TRIM58: variants seen among roughly 807,000 people sequenced by gnomAD.
The protein encoded by TRIM58 is tripartite motif containing 58.
TRIM58 carries 38 observed loss-of-function variants against 34.1 expected under a neutral mutation model. The observed-to-expected ratio is 1.12, with a 90% confidence interval of 0.86 to 1.46. The LOEUF is 1.46. Among genes scored for constraint, TRIM58 ranks in the 40% most tolerant of loss-of-function variants. TRIM58 has a pLI of 0.00. For synonymous variants in TRIM58, 273 were observed against 275.7 expected (o/e 0.99, Z 0.10); for missense variants, 677 against 642.0 (o/e 1.05, Z -0.59).
chr1:247,880,126 G>A lies in TRIM58; in HGVS notation c.*3637G>A, dbSNP rs188956821. Among the ~76,000 whole-genome samples the A allele has an allele frequency of 6.4e-4, 98 of 152,256 alleles. No individual in the cohort carries two copies. Among genetic ancestry groups the A allele is most frequent in the Non-Finnish European group, 9.0e-4 (61 of 68,018 alleles). On this transcript the variant is annotated 3_prime_UTR_variant, in exon 6 of 6. Transcript: ENST00000366481. ...GTTGAATGAATAAATGATTGACTATGTGGAGAGCAAAATTGATGGACCTGA... is the reference window on the plus strand; with the variant it reads ...GTTGAATGAATAAATGATTGACTATATGGAGAGCAAAATTGATGGACCTGA...
At chr1:247,860,231 A>G (rs1572569196) in intron 1 of TRIM58, among the ~76,000 whole-genome samples, 1 of 152,204 alleles carries the variant, frequency 6.6e-6, no homozygotes, top group Non-Finnish European at 1.5e-5. Flanking sequence ...TGGAAGGCCA[A>G]GATGGGAGAC....
chr1:247,857,648 G>A lies in TRIM58; in HGVS notation c.402G>A (p.Glu134=). The A allele has an allele frequency of 8.1e-7, 1 of 1,234,256 alleles. No homozygotes were observed. 76.5% of individuals were successfully genotyped at this position (1,234,256 alleles called of 1,614,324 possible). A position where few individuals can be genotyped will look rare whatever the true frequency, so the allele number is the denominator to read the frequency against. The change falls in exon 1 of 6, where the codon GAG becomes GAA. Residue 134 remains glutamate, a synonymous_variant. Transcript: ENST00000366481. The part of the protein sequence containing the change: ...HRTHRTAPLQ[E]AAGSYQVKLQ... ...CGCACCGCACGGCGCCGCTGCAGGA[G>A]GCCGCCGGCAGCTACCAGGTGAGGC...
At position 247,860,627 on chromosome 1, in the gene TRIM58, A is replaced by G; in HGVS notation, c.431A>G (p.Gln144Arg). 6.2e-7 allele frequency: 1 copy of G among 1,613,488 alleles called. No homozygotes were observed. The highest frequency in any genetic ancestry group is 8.5e-7 in the Non-Finnish European group (1 of 1,179,600). Residue 144 changes from glutamine to arginine, a missense_variant, in exon 2 of 6, where the codon CAG becomes CGG. Transcript: ENST00000366481. ...AATGTTCCCAAACAGGTAAAGCTCC[A>G]GATGGCTCTGGAACTTATGAGGAAA... ...EAAGSYQVKLQMALELMRKEL... is the reference protein window; with the variant it reads ...EAAGSYQVKLRMALELMRKEL...
intron 2 of TRIM58, 39 bp from the exon 3 acceptor site, chr1:247,864,666 G>T: frequency 6.2e-7 from 1 of 1,603,910 alleles, no homozygotes; most frequent in Non-Finnish European, 8.5e-7. Context: ...GGCTGCTGGA[G>T]GCCAAGCACT....
intron 5 of TRIM58, among the ~76,000 whole-genome samples, chr1:247,868,378 G>C (rs909027757): frequency 2.0e-5 from 3 of 152,074 alleles, no homozygotes; most frequent in African/African-American, 7.2e-5. Flanking sequence ...AAAAGGGCAG[G>C]GTTATTGAAG....
In TRIM58 at chr1:247,867,979, AGG is replaced by A. The variant is rs773680224; in HGVS notation, c.788_789del (p.Arg263ThrfsTer64). The A allele has an allele frequency of 3.1e-6, 5 of 1,613,154 alleles. No homozygotes were observed. In the Admixed American group the frequency reaches 8.3e-5, roughly 27 times the overall value. On this transcript the variant is annotated frameshift_variant, in exon 5 of 6. Transcript: ENST00000366481. LOFTEE classifies it high-confidence loss of function. ...GVLSRSKAVT[R>X]LEAENIPMEL... ...TCTTCCCAGAAGTAAGGCTGTCACAAGGCTGGAAGCAGAGAACATCCCCATGG... is the reference window on the plus strand; with the variant it reads ...TCTTCCCAGAAGTAAGGCTGTCACAACTGGAAGCAGAGAACATCCCCATGG...
rs527395818 is a variant in TRIM58 at position 247,857,433 on chromosome 1, C to T, written c.187C>T (p.Pro63Ser). Residue 63 changes from proline to serine, a missense_variant, in exon 1 of 6, where the codon CCC (proline) becomes TCC (serine). Coordinates refer to ENST00000366481, the MANE Select transcript of TRIM58 (RefSeq NM_015431.4). ...CTACGCCTGTCCGCAGTGCCGGGGC[C>T]CCTTCCGGCCCTCGGGCTTTCGCCC... is the stretch of plus-strand genomic sequence containing the variant. The part of the protein sequence containing the change: ...GVYACPQCRG[P>S]FRPSGFRPNR... The T allele has an allele frequency of 3.4e-6, 5 of 1,452,794 alleles. No individual in the cohort carries two copies. The highest frequency in any genetic ancestry group is 1.5e-5 in the African/African-American group (1 of 68,946). 90.0% of individuals were successfully genotyped at this position (1,452,794 alleles called of 1,614,324 possible). A position where few individuals can be genotyped will look rare whatever the true frequency, so the allele number is the denominator to read the frequency against.
chr1:247,879,677 C>A lies in TRIM58; in HGVS notation c.*3188C>A, dbSNP rs1248320394. Among the ~76,000 whole-genome samples the A allele has an allele frequency of 6.6e-6, 1 of 151,652 alleles. No homozygotes were observed. Among genetic ancestry groups the A allele is most frequent in the Non-Finnish European group, 1.5e-5 (1 of 67,976 alleles). On this transcript the variant is annotated 3_prime_UTR_variant, in exon 6 of 6. Transcript: ENST00000366481. ...TTGCATTCTGCTCCAGCTGCCCTGG[C>A]CTCATGGCTGGGTTTCCACCAAAGC...
intron 5 of TRIM58, among the ~76,000 whole-genome samples, chr1:247,869,372 C>G (rs1236160268): frequency 1.3e-5 from 2 of 152,182 alleles, no homozygotes; most frequent in Non-Finnish European, 2.9e-5. Flanking sequence ...TGGTTGGTTC[C>G]CCTGGCAACC....
intron 2 of TRIM58, among the ~76,000 whole-genome samples, chr1:247,862,704 T>C (rs185556510): frequency 6.6e-6 from 1 of 152,348 alleles, no homozygotes; most frequent in African/African-American, 2.4e-5. Context: ...GTAGGGATGA[T>C]ACTAAGATCC....
intron 1 of TRIM58, among the ~76,000 whole-genome samples, chr1:247,858,193 C>T (rs887420833): frequency 3.3e-5 from 5 of 152,108 alleles, no homozygotes; most frequent in African/African-American, 1.2e-4. Context: ...CTCAGGTGCA[C>T]GTGCCTCCTG....
rs1193823899 is a variant in TRIM58, at chr1:247,878,203, A to G, written c.*1714A>G. ...AATAAATAAATAAATAAATAAATAAATAAATATTACACAAATGCTAAAATG... is the reference window on the plus strand; with the variant it reads ...AATAAATAAATAAATAAATAAATAAGTAAATATTACACAAATGCTAAAATG... On this transcript the variant is annotated 3_prime_UTR_variant, in exon 6 of 6. Coordinates refer to ENST00000366481, the MANE Select transcript of TRIM58 (RefSeq NM_015431.4). 6.8e-6 allele frequency: 1 copy of G among 148,140 alleles called. No individual in the cohort carries two copies. Among genetic ancestry groups the G allele is most frequent in the African/African-American group, 2.6e-5 (1 of 38,080 alleles). 9.2% of individuals were successfully genotyped at this position (148,140 alleles called of 1,614,324 possible). A position where few individuals can be genotyped will look rare whatever the true frequency, so the allele number is the denominator to read the frequency against.
intron 3 of TRIM58, among the ~76,000 whole-genome samples, chr1:247,866,759 C>T (rs534482829): frequency 1.6e-4 from 24 of 152,172 alleles, no homozygotes; most frequent in African/African-American, 5.1e-4. Flanking sequence ...TGCACCACCA[C>T]GCCCAGCTAA....
At chr1:247,873,896 G>A (rs58469109) in intron 5 of TRIM58, among the ~76,000 whole-genome samples, 3,962 of 152,218 alleles carry the variant, frequency 0.026, 162 homozygotes, top group African/African-American at 0.089. Context: ...AGTCTGAGAG[G>A]TGGAGGCTGC....
chr1:247,857,740 C>A (rs901465269), intron 1 of TRIM58, 74 bp downstream of exon 1: 2 of 1,197,948 alleles, frequency 1.7e-6, no homozygotes, highest in African/African-American at 3.2e-5. Context: ...AGCGGAGCCG[C>A]CGAGGCCACC....
chr1:247,860,804 CT>C, intron 2 of TRIM58, 92 bp downstream of exon 2: 1 of 1,017,104 alleles, frequency 9.8e-7, no homozygotes, highest in South Asian at 1.4e-5. Context: ...TTCTCCAGCA[CT>C]TTTGTTCCAT....
chr1:247,860,803 A>G (rs1264363788), intron 2 of TRIM58, 91 bp downstream of exon 2: 5 of 1,025,644 alleles, frequency 4.9e-6, no homozygotes, highest in Non-Finnish European at 7.5e-6. Flanking sequence ...ATTCTCCAGC[A>G]CTTTTGTTCC....
intron 4 of TRIM58, 42 bp from the exon 5 acceptor site, chr1:247,867,921 G>A (rs1663967005): frequency 6.2e-7 from 1 of 1,612,104 alleles, no homozygotes; most frequent in African/African-American, 1.3e-5. Flanking sequence ...AGGAGCTGGT[G>A]GAGAACCCTG....
intron 3 of TRIM58, among the ~76,000 whole-genome samples, chr1:247,865,337 T>A (rs1483265415): frequency 6.6e-6 from 1 of 152,202 alleles, no homozygotes; most frequent in Non-Finnish European, 1.5e-5. Flanking sequence ...TCTGAAAACT[T>A]AAACAGCTAG....
Sources: gnomAD v4.1 joint callset for allele counts (sites outside exome capture counted in the v4.1 genomes callset) on GRCh38, gnomAD v4.1.1 for gene constraint, MANE v1.5 for transcripts, NCBI Gene and HGNC (gene_info 2026-07-23, HGNC 2026-07-21) for gene names.